UNC79: variants seen among roughly 807,000 people sequenced by gnomAD.
UNC79 encodes protein unc-79 homolog.
Under a neutral mutation model 283.1 loss-of-function variants are expected in UNC79, and 37 were observed. That is an observed-to-expected ratio of 0.13 (90% confidence interval 0.10 to 0.17). The LOEUF is 0.17. Ranked by LOEUF, UNC79 falls within the 10% of genes least tolerant of loss-of-function variation. The pLI is 1.00. For missense variants in UNC79, 2,272 were observed against 3,211.1 expected (o/e 0.71, Z 7.07); for synonymous variants, 1,107 against 1,200.2 (o/e 0.92, Z 1.61).
intron 1 of UNC79, among the ~76,000 whole-genome samples, chr14:93,407,983 AAC>A (rs1214672671): frequency 3.3e-5 from 5 of 152,190 alleles, no homozygotes; most frequent in Non-Finnish European, 7.3e-5. Context: ...CAGCCAAATA[AAC>A]ACAAAACTGC....
intron 1 of UNC79, among the ~76,000 whole-genome samples, chr14:93,357,823 ATATATGGATATGTATATATATGG>A (rs2054133564): frequency 1.1e-5 from 1 of 91,104 alleles, no homozygotes; most frequent in Non-Finnish European, 2.5e-5. Context: ...ATATATATGG[ATATATGGATATGTATATATATGG>A]ATATATGGAT....
chr14:93,368,551 C>A (rs2054379184), intron 1 of UNC79, among the ~76,000 whole-genome samples: 1 of 152,088 alleles, frequency 6.6e-6, no homozygotes, highest in South Asian at 2.1e-4. Flanking sequence ...TGACGCACTG[C>A]AACCTGTCTC....
chr14:93,680,967 C>T (rs995176988), intron 41 of UNC79, among the ~76,000 whole-genome samples: 20 of 152,162 alleles, frequency 1.3e-4, no homozygotes, highest in African/African-American at 4.6e-4. Context: ...GAGTTAAAGG[C>T]TTTACATTTT....
chr14:93,592,331 C>T (rs752500454), intron 22 of UNC79, among the ~76,000 whole-genome samples: 4 of 151,892 alleles, frequency 2.6e-5, no homozygotes, highest in Admixed American at 6.6e-5. Context: ...CCCACCACCA[C>T]GCCCGGCTAA....
At chr14:93,567,359 G>A (rs2062954156) in intron 14 of UNC79, among the ~76,000 whole-genome samples, 1 of 152,188 alleles carries the variant, frequency 6.6e-6, no homozygotes, top group Non-Finnish European at 1.5e-5. Flanking sequence ...CCAAGTAGCT[G>A]GGATTACAGG....
At chr14:93,604,855 C>T (rs566485953) in intron 26 of UNC79, 41 bp from the exon 27 acceptor site, 3 of 1,530,360 alleles carry the variant, frequency 2.0e-6, no homozygotes, top group Non-Finnish European at 2.6e-6. Context: ...CTCCAGTTGT[C>T]TGTAATGCTT....
rs2054789222 is a variant in UNC79 at position 93,386,947 on chromosome 14, T to C, written c.-351+53424T>C. Among the ~76,000 whole-genome samples the C allele has an allele frequency of 4.7e-5, 6 of 127,750 alleles. No individual in the cohort carries two copies. The Admixed American group carries it at 4.8e-4, about 10-fold the overall frequency. The allele number at this position is 127,750 out of a possible 152,430, so 83.8% of individuals were successfully genotyped here. On this transcript the variant is annotated intron_variant, in intron 1 of 49. Coordinates refer to the UNC79 transcript ENST00000256339. ...TTCTGCTTTTTTTTTTTTTTTTTTT[T>C]TTTTTTTTTTTTGAGACGGAGTTTT... is the stretch of plus-strand genomic sequence containing the variant.
intron 1 of UNC79, among the ~76,000 whole-genome samples, chr14:93,437,871 G>A (rs1206170368): frequency 1.3e-5 from 2 of 152,076 alleles, no homozygotes; most frequent in African/African-American, 2.4e-5. Context: ...CCTTAATCCA[G>A]TATGACCTTA....
chr14:93,397,740 C>T (rs535221496), intron 1 of UNC79, among the ~76,000 whole-genome samples: 3 of 148,954 alleles, frequency 2.0e-5, no homozygotes, highest in African/African-American at 7.4e-5. Flanking sequence ...CATTCTCATC[C>T]TTAGAACAAT....
intron 1 of UNC79, among the ~76,000 whole-genome samples, chr14:93,389,653 CTT>C (rs149054590): frequency 4.3e-4 from 59 of 135,830 alleles, no homozygotes; most frequent in Non-Finnish European, 5.7e-4. Flanking sequence ...AAAGTGGGAG[CTT>C]TTTTTTTTTT....
At position 93,430,878 on chromosome 14, in the gene UNC79, C is replaced by A. The variant is rs932041569; in HGVS notation, c.-152C>A. On this transcript the variant is annotated 5_prime_UTR_variant, in exon 1 of 49. Coordinates refer to ENST00000555664, the Ensembl canonical transcript of UNC79. The surrounding 1 kb of genome is among the most constrained non-coding windows in gnomAD (Gnocchi z 4.6). ...TTCTGCAATTTGATGTGCGTTTTGT[C>A]CGAATGGTAGCGACACGGGCCTAAG... The A allele has an allele frequency of 1.5e-5, 8 of 531,148 alleles. No individual in the cohort carries two copies. In the African/African-American group the frequency reaches 1.8e-4, roughly 12 times the overall value. The allele number at this position is 531,148 out of a possible 1,614,324, so 32.9% of individuals were successfully genotyped here. A position where few individuals can be genotyped will look rare whatever the true frequency, so the allele number is the denominator to read the frequency against.
chr14:93,561,294 T>TG (rs2062533811), intron 14 of UNC79, among the ~76,000 whole-genome samples: 1 of 151,928 alleles, frequency 6.6e-6, no homozygotes, highest in African/African-American at 2.4e-5. Flanking sequence ...GGTCCAAATA[T>TG]GGGGGGAGTA....
chr14:93,555,159 T>A (rs959847962), intron 14 of UNC79, among the ~76,000 whole-genome samples: 1 of 152,238 alleles, frequency 6.6e-6, no homozygotes, highest in African/African-American at 2.4e-5. Flanking sequence ...TCATTAATAG[T>A]CTTTAAAACT....
intron 5 of UNC79, among the ~76,000 whole-genome samples, chr14:93,491,965 T>C (rs1193202589): frequency 1.3e-5 from 2 of 152,166 alleles, no homozygotes; most frequent in Admixed American, 1.3e-4. Flanking sequence ...AAGTGGTAGG[T>C]CATGGTTCTG....
In UNC79 at chr14:93,688,777, A is replaced by T. The variant is rs768690320; in HGVS notation, c.7022A>T (p.Asp2341Val). The change falls in exon 44 of 49, where the codon GAT becomes GTT. Residue 2341 changes from aspartate to valine, a missense_variant. Physicochemically the swap from Asp to Val is radical, Grantham distance 152 (BLOSUM62 -3). Transcript: ENST00000555664. The surrounding 1 kb of genome is among the most constrained non-coding windows in gnomAD (Gnocchi z 4.0). ...GACATCTCACGGGGCAACCACAGAGATAACAAAGCTGTGATCCGCTATCTG... is the reference window on the plus strand; with the variant it reads ...GACATCTCACGGGGCAACCACAGAGTTAACAAAGCTGTGATCCGCTATCTG... 2.5e-6 allele frequency: 4 copies of T among 1,613,934 alleles called. No homozygotes were observed. The African/African-American group carries it at 5.3e-5, about 22-fold the overall frequency.
intron 1 of UNC79, among the ~76,000 whole-genome samples, chr14:93,390,407 A>G (rs1028132364): frequency 6.6e-6 from 1 of 152,228 alleles, no homozygotes; most frequent in African/African-American, 2.4e-5. Context: ...GGAATTGGAA[A>G]AAGGACAAGG....
chr14:93,641,872 A>G (rs2069069440), intron 33 of UNC79, among the ~76,000 whole-genome samples: 1 of 152,140 alleles, frequency 6.6e-6, no homozygotes, highest in South Asian at 2.1e-4. Flanking sequence ...AGTTTCCCCC[A>G]TACTGTTCTC....
chr14:93,481,306 G>C (rs909528295), intron 4 of UNC79, among the ~76,000 whole-genome samples: 1 of 152,108 alleles, frequency 6.6e-6, no homozygotes, highest in African/African-American at 2.4e-5. Context: ...AATTGAGAAA[G>C]TCATTTGCAT....
At chr14:93,485,377 T>C (rs1372954653) in intron 4 of UNC79, among the ~76,000 whole-genome samples, 10 of 151,976 alleles carry the variant, frequency 6.6e-5, no homozygotes, top group Admixed American at 6.6e-4. Flanking sequence ...TTTTCTTTCT[T>C]ATTTCTCGTC....
Sources: gnomAD v4.1 joint callset for allele counts (sites outside exome capture counted in the v4.1 genomes callset) on GRCh38, gnomAD v4.1.1 for gene constraint, Gnocchi (gnomAD v3.1) non-coding constraint, MANE v1.5 for transcripts, NCBI Gene and HGNC (gene_info 2026-07-23, HGNC 2026-07-21) for gene names.